LAMA2: variants seen among roughly 807,000 people sequenced by gnomAD.
The protein encoded by LAMA2 is laminin subunit alpha-2.
LAMA2 carries 269 observed loss-of-function variants against 364.8 expected under a neutral mutation model. The ratio of observed to expected loss-of-function variants is 0.74; its 90% CI spans 0.67 to 0.82. The LOEUF is 0.82. LAMA2 is among the 40% of genes least tolerant of loss of function. The probability of loss-of-function intolerance (pLI) is 0.00; values close to 1 mark genes in which losing one functional copy is unlikely to be tolerated. For missense variants in LAMA2, 3,807 were observed against 3,873.2 expected, an observed-to-expected ratio of 0.98 and a Z score of 0.45; for synonymous variants, 1,379 against 1,370.6, an observed-to-expected ratio of 1.01 and a Z score of -0.14.
chr6:129,168,596 T>C (rs1779916224), intron 9 of LAMA2, among the ~76,000 whole-genome samples: 1 of 148,026 alleles, frequency 6.8e-6, no homozygotes, highest in Non-Finnish European at 1.5e-5. Context: ...AGTCAGGTAG[T>C]GTGATGCCTC....
chr6:129,407,230 C>T (rs1357011711), intron 40 of LAMA2, among the ~76,000 whole-genome samples: 1 of 152,110 alleles, frequency 6.6e-6, no homozygotes. Context: ...TACTTTGCAT[C>T]GTTCAATCCA....
intron 1 of LAMA2, among the ~76,000 whole-genome samples, chr6:128,969,388 A>T (rs2114613170): frequency 6.6e-6 from 1 of 152,272 alleles, no homozygotes; most frequent in African/African-American, 2.4e-5. Context: ...TTATATTACA[A>T]CTTCCTACAT....
chr6:129,110,297 G>A (rs551088576), intron 4 of LAMA2, among the ~76,000 whole-genome samples: 1 of 152,102 alleles, frequency 6.6e-6, no homozygotes, highest in African/African-American at 2.4e-5. Flanking sequence ...AAATGAACTT[G>A]ATATTATAAG....
chr6:128,979,688 A>G (rs1017547483), intron 1 of LAMA2, among the ~76,000 whole-genome samples: 2 of 152,244 alleles, frequency 1.3e-5, no homozygotes, highest in South Asian at 4.1e-4. Flanking sequence ...CAGCACCTGC[A>G]GTCAACAGAC....
intron 4 of LAMA2, among the ~76,000 whole-genome samples, chr6:129,134,231 A>C (rs1257649360): frequency 6.6e-6 from 1 of 152,182 alleles, no homozygotes; most frequent in Non-Finnish European, 1.5e-5. Context: ...CTCCACATTA[A>C]GGGAGATCAT....
chr6:129,127,756 C>T (rs1395265785), intron 4 of LAMA2, among the ~76,000 whole-genome samples: 1 of 152,146 alleles, frequency 6.6e-6, no homozygotes, highest in African/African-American at 2.4e-5. Flanking sequence ...ATTTGCATTT[C>T]CCTAATGATT....
At position 128,929,772 on chromosome 6, in the gene LAMA2, C is replaced by G. The variant is rs908291741; in HGVS notation, c.112+46415C>G. ...GCTGGATATTGGAAAACGTGTAAAA[C>G]CACAACTGTCTCCTGACTTCCAACC... On this transcript the variant is annotated intron_variant, in intron 1 of 64. Transcript: ENST00000421865. 6.4e-6 allele frequency: 7 copies of G among 1,086,446 alleles called. No individual in the cohort carries two copies. The Admixed American group carries it at 6.8e-5, about 11-fold the overall frequency. The allele number at this position is 1,086,446 out of a possible 1,614,324, so 67.3% of individuals were successfully genotyped here. A position where few individuals can be genotyped will look rare whatever the true frequency, so the allele number is the denominator to read the frequency against.
intron 4 of LAMA2, among the ~76,000 whole-genome samples, chr6:129,142,082 T>C (rs951946897): frequency 2.0e-5 from 3 of 152,078 alleles, no homozygotes; most frequent in Non-Finnish European, 4.4e-5. Flanking sequence ...TAATTCATTA[T>C]GCAGATATAC....
intron 29 of LAMA2, among the ~76,000 whole-genome samples, chr6:129,333,620 T>C (rs1298155254): frequency 6.6e-6 from 1 of 152,162 alleles, no homozygotes; most frequent in African/African-American, 2.4e-5. Flanking sequence ...CCAGAAATAA[T>C]TACTATCTTG....
At chr6:129,331,129 G>A (rs1270273214) in intron 29 of LAMA2, among the ~76,000 whole-genome samples, 1 of 151,936 alleles carries the variant, frequency 6.6e-6, no homozygotes, top group Admixed American at 6.6e-5. Flanking sequence ...GCCTCCTTCG[G>A]CCTCCCAAAG....
intron 12 of LAMA2, among the ~76,000 whole-genome samples, chr6:129,231,998 A>C (rs1414589046): frequency 2.6e-5 from 4 of 152,118 alleles, no homozygotes; most frequent in African/African-American, 9.7e-5. Flanking sequence ...CCTTTCAAAA[A>C]GTAATGTTGA....
At chr6:129,209,039 C>G (rs1324205182) in intron 12 of LAMA2, among the ~76,000 whole-genome samples, 2 of 151,932 alleles carry the variant, frequency 1.3e-5, no homozygotes, top group Admixed American at 1.3e-4. Context: ...TGGAAATAAC[C>G]CACAGACAAA....
chr6:129,129,140 C>T (rs1777297562), intron 4 of LAMA2, among the ~76,000 whole-genome samples: 1 of 152,150 alleles, frequency 6.6e-6, no homozygotes, highest in Non-Finnish European at 1.5e-5. Context: ...TTTTTGTGAT[C>T]TAATTTCCTT....
At chr6:129,460,430 G>A (rs139323277) in intron 49 of LAMA2, 106 bp downstream of exon 49, 2 of 1,184,644 alleles carry the variant, frequency 1.7e-6, no homozygotes, top group African/African-American at 1.5e-5. Context: ...GAGCAGGTTT[G>A]AAAGGATTAT....
chr6:129,066,038 G>GTATGTCTTTTTTTTTTTT lies in LAMA2; in HGVS notation c.396+6143_396+6144insATGTCTTTTTTTTTTTTT, dbSNP rs59543848. Among the ~76,000 whole-genome samples, 58 of 37,106 alleles carry GTATGTCTTTTTTTTTTTT rather than the reference G, an allele frequency of 1.6e-3. 3 individuals carry two copies. The highest frequency in any genetic ancestry group is 1.7e-3 in the Non-Finnish European group (33 of 19,660). The allele number at this position is 37,106 out of a possible 152,430, so 24.3% of individuals were successfully genotyped here. Reference sequence around the variant, plus strand: ...TCTTTTGTAAATTGCCCAGTCTCAGGTTTTTTTTTTTTTTTTTTTTTTTTT... The same window carrying GTATGTCTTTTTTTTTTTT: ...TCTTTTGTAAATTGCCCAGTCTCAGGTATGTCTTTTTTTTTTTTTTTTTTTTTTTTTTTTTTTTTTTTT... On this transcript the variant is annotated intron_variant, in intron 3 of 64. Coordinates refer to ENST00000421865, the MANE Select transcript of LAMA2 (RefSeq NM_000426.4).
chr6:129,244,428 C>G (rs1785607009), intron 12 of LAMA2, among the ~76,000 whole-genome samples: 1 of 152,054 alleles, frequency 6.6e-6, no homozygotes, highest in Admixed American at 6.6e-5. Context: ...GAATCGCTTG[C>G]CCTGTTTGTG....
intron 1 of LAMA2, among the ~76,000 whole-genome samples, chr6:128,911,796 A>G (rs1309222583): frequency 2.0e-5 from 3 of 152,186 alleles, no homozygotes; most frequent in African/African-American, 7.2e-5. Flanking sequence ...CCTTTCCCAG[A>G]AGGCCCTCAC....
chr6:129,107,927 A>G (rs765609965), intron 4 of LAMA2, among the ~76,000 whole-genome samples: 9 of 152,178 alleles, frequency 5.9e-5, no homozygotes, highest in Non-Finnish European at 1.3e-4. Context: ...CCCTCCTAGC[A>G]GTTCCTGCTG....
intron 1 of LAMA2, among the ~76,000 whole-genome samples, chr6:128,899,062 G>A (rs1261549111): frequency 6.6e-6 from 1 of 152,128 alleles, no homozygotes; most frequent in Non-Finnish European, 1.5e-5. Flanking sequence ...ACAATTAAAT[G>A]TTTATCTTGA....
Sources: gnomAD v4.1 joint callset for allele counts (sites outside exome capture counted in the v4.1 genomes callset) on GRCh38, gnomAD v4.1.1 for gene constraint, MANE v1.5 for transcripts, NCBI Gene and HGNC (gene_info 2026-07-23, HGNC 2026-07-21) for gene names.